ZNF609: variants seen among roughly 807,000 people sequenced by gnomAD.
ZNF609 encodes the protein zinc finger protein 609.
Under a neutral mutation model 109.5 loss-of-function variants are expected in ZNF609, and 11 were observed. The ratio of observed to expected loss-of-function variants is 0.10; its 90% CI spans 0.06 to 0.17. ZNF609 has a LOEUF of 0.17. ZNF609 is among the 10% of genes least tolerant of loss of function. The pLI, the probability that ZNF609 is intolerant of heterozygous loss-of-function variation, is 1.00. For missense variants in ZNF609, 1,559 were observed against 1,772.4 expected, an observed-to-expected ratio of 0.88 and a Z score of 2.16; for synonymous variants, 646 against 662.0, an observed-to-expected ratio of 0.98 and a Z score of 0.37.
Position 64,677,196 on chromosome 15 carries a change from C to T in ZNF609, c.3403-920C>T, listed in dbSNP as rs115106342. 9.0e-3 allele frequency among the ~76,000 whole-genome samples: 1,373 copies of T among 152,040 alleles called. 18 individuals are homozygous for T. The highest frequency in any genetic ancestry group is 0.031 in the African/African-American group (1,296 of 41,456). On this transcript the variant is annotated intron_variant, in intron 5 of 9. Transcript: ENST00000326648. The stretch of plus-strand genomic sequence containing the variant: ...CTCCTGCCTCAGCCTCCCAATTAAC[C>T]AGGACTACAGATGCATGCCACCACA...
chr15:64,481,198 AATC>A (rs1893246700), intron 1 of ZNF609, among the ~76,000 whole-genome samples: 1 of 152,208 alleles, frequency 6.6e-6, no homozygotes, highest in African/African-American at 2.4e-5. Flanking sequence ...AAGACTTAAA[AATC>A]ATCATATTTG....
At chr15:64,599,277 A>T (rs1180875166) in intron 2 of ZNF609, among the ~76,000 whole-genome samples, 1 of 150,654 alleles carries the variant, frequency 6.6e-6, no homozygotes, top group African/African-American at 2.4e-5. Context: ...CCTCCCTCCA[A>T]ACCAAAACCA....
intron 2 of ZNF609, among the ~76,000 whole-genome samples, chr15:64,610,305 C>T (rs1017835912): frequency 8.6e-5 from 13 of 151,994 alleles, no homozygotes; most frequent in African/African-American, 3.1e-4. Flanking sequence ...CAGACATGGG[C>T]CTACTCAAAC....
At chr15:64,613,103 T>C (rs1895743515) in intron 2 of ZNF609, among the ~76,000 whole-genome samples, 1 of 152,120 alleles carries the variant, frequency 6.6e-6, no homozygotes, top group South Asian at 2.1e-4. Flanking sequence ...GGTGGATTGC[T>C]TGAGCCCAGG....
intron 3 of ZNF609, among the ~76,000 whole-genome samples, chr15:64,654,679 G>A (rs1205702746): frequency 1.3e-5 from 2 of 152,138 alleles, no homozygotes; most frequent in Non-Finnish European, 2.9e-5. Context: ...TCTATAATAT[G>A]TATCTCCATA....
At chr15:64,490,010 G>A (rs1893389523) in intron 1 of ZNF609, among the ~76,000 whole-genome samples, 2 of 152,200 alleles carry the variant, frequency 1.3e-5, no homozygotes, top group Non-Finnish European at 2.9e-5. Context: ...CCAGGCGGGA[G>A]TGCAGTGGCA....
chr15:64,539,436 T>A (rs532384629), intron 2 of ZNF609, among the ~76,000 whole-genome samples: 44 of 151,984 alleles, frequency 2.9e-4, no homozygotes, highest in Non-Finnish European at 5.1e-4. Context: ...CTCGATCTCC[T>A]GACCGCGTGA....
At chr15:64,635,859 G>GCT (rs950953344) in intron 3 of ZNF609, among the ~76,000 whole-genome samples, 23 of 85,434 alleles carry the variant, frequency 2.7e-4, no homozygotes, top group East Asian at 1.3e-3. Flanking sequence ...TCTTTAACTC[G>GCT]CTCTCTCTCT....
Position 64,637,418 on chromosome 15 carries a change from T to G in ZNF609, c.973+14366T>G, listed in dbSNP as rs113199640. Among the ~76,000 whole-genome samples the G allele has an allele frequency of 9.8e-3, 1,490 of 152,340 alleles. 24 individuals are homozygous for G. Among genetic ancestry groups the G allele is most frequent in the African/African-American group, 0.034 (1,409 of 41,572 alleles). On this transcript the variant is annotated intron_variant, in intron 3 of 9. Transcript: ENST00000326648. ...CTATCTATACTTAGAAATGGAATTA[T>G]TGAATCATAAGGTATGTGTATGATC...
chr15:64,560,282 G>A (rs888963137), intron 2 of ZNF609, among the ~76,000 whole-genome samples: 4 of 151,782 alleles, frequency 2.6e-5, no homozygotes, highest in Admixed American at 1.3e-4. Flanking sequence ...TCTTGACCTC[G>A]TGATCTGCCC....
In ZNF609 at chr15:64,684,515, T is replaced by G. The variant is rs2083230113; in HGVS notation, c.*2829T>G. On this transcript the variant is annotated 3_prime_UTR_variant, in exon 10 of 10. Transcript: ENST00000326648. ...TCATTTTAAGGTATGGCAGTTCCCTTCATCCCCTTTTCCTGCCTTGTACAT... is the reference window on the plus strand; with the variant it reads ...TCATTTTAAGGTATGGCAGTTCCCTGCATCCCCTTTTCCTGCCTTGTACAT... The G allele has an allele frequency of 6.6e-6, 1 of 152,308 alleles. No individual in the cohort carries two copies. The highest frequency in any genetic ancestry group is 2.4e-5 in the African/African-American group (1 of 41,464). 9.4% of individuals were successfully genotyped at this position (152,308 alleles called of 1,614,324 possible). A position where few individuals can be genotyped will look rare whatever the true frequency, so the allele number is the denominator to read the frequency against.
At position 64,685,924 on chromosome 15, in the gene ZNF609, CTT is replaced by C. The variant is rs2083237798; in HGVS notation, c.*4240_*4241del. The stretch of plus-strand genomic sequence containing the variant: ...GCCCAACCAAACCATTGTTTGGCCG[CTT>C]TCTCTTTTCCTCTACCTTCCTCATC... On this transcript the variant is annotated 3_prime_UTR_variant, in exon 10 of 10. Coordinates refer to ENST00000326648, the MANE Select transcript of ZNF609 (RefSeq NM_015042.2). 1 of 152,168 alleles carries C rather than the reference CTT, an allele frequency of 6.6e-6. No homozygotes were observed. The highest frequency in any genetic ancestry group is 2.4e-5 in the African/African-American group (1 of 41,424). The allele number at this position is 152,168 out of a possible 1,614,324, so 9.4% of individuals were successfully genotyped here.
Position 64,577,302 on chromosome 15 carries a change from TAC to T in ZNF609, c.748-45523_748-45522del, listed in dbSNP as rs1300888324. ...ATGTATATATATACACACAAATATA[TAC>T]ATATATGTATATATATACACACAAA... On this transcript the variant is annotated intron_variant, in intron 2 of 9. Coordinates refer to ENST00000326648, the MANE Select transcript of ZNF609 (RefSeq NM_015042.2). Among the ~76,000 whole-genome samples the T allele has an allele frequency of 5.1e-4, 15 of 29,288 alleles. 7 individuals are homozygous for T. Among genetic ancestry groups the T allele is most frequent in the Non-Finnish European group, 2.5e-3 (13 of 5,252 alleles). 19.2% of individuals were successfully genotyped at this position (29,288 alleles called of 152,430 possible).
At chr15:64,517,923 G>A (rs970755020) in intron 2 of ZNF609, among the ~76,000 whole-genome samples, 1 of 151,858 alleles carries the variant, frequency 6.6e-6, no homozygotes, top group Non-Finnish European at 1.5e-5. Flanking sequence ...AGGACTACAG[G>A]TGCGTGCCAC....
At chr15:64,573,527 T>TA (rs1289963993) in intron 2 of ZNF609, among the ~76,000 whole-genome samples, 2 of 130,714 alleles carry the variant, frequency 1.5e-5, no homozygotes, top group African/African-American at 7.1e-5. Context: ...GCTAATTTAA[T>TA]TTTTTTTTTT....
Position 64,623,071 on chromosome 15 carries a change from T to C in ZNF609, c.973+19T>C. ...GAAGATGGTAAGTGTGATATGTGGC[T>C]TTCCCCTCCCTTCTCAACCTGCTTC... On this transcript the variant is annotated intron_variant, in intron 3 of 9. Transcript: ENST00000326648. 6.2e-7 allele frequency: 1 copy of C among 1,609,844 alleles called. No homozygotes were observed. The highest frequency in any genetic ancestry group is 1.1e-5 in the South Asian group (1 of 90,990).
At chr15:64,539,869 C>T (rs765798542) in intron 2 of ZNF609, among the ~76,000 whole-genome samples, 2 of 151,550 alleles carry the variant, frequency 1.3e-5, no homozygotes, top group Non-Finnish European at 2.9e-5. Context: ...ACTCCTGACC[C>T]CAGATGATCA....
In ZNF609 at chr15:64,499,291, A is replaced by G; in HGVS notation, c.-127-2A>G. ...ACAGCTTTTTAAATTTTCTTTTTCC[A>G]GCAATGATGTTGTCCACTGGGCATG... On this transcript the variant is annotated splice_acceptor_variant, in intron 1 of 9. Coordinates refer to ENST00000326648, the MANE Select transcript of ZNF609 (RefSeq NM_015042.2). LOFTEE classifies it low-confidence loss of function (5UTR_SPLICE). 1 of 1,260,436 alleles carries G rather than the reference A, an allele frequency of 7.9e-7. No individual in the cohort carries two copies. Among genetic ancestry groups the G allele is most frequent in the Non-Finnish European group, 1.1e-6 (1 of 919,618 alleles). The allele number at this position is 1,260,436 out of a possible 1,614,324, so 78.1% of individuals were successfully genotyped here.
intron 3 of ZNF609, among the ~76,000 whole-genome samples, chr15:64,663,919 A>T (rs1456684209): frequency 2.6e-5 from 4 of 152,112 alleles, no homozygotes; most frequent in Non-Finnish European, 5.9e-5. Flanking sequence ...TTGTCTCAGC[A>T]TTTCACTCCT....
Sources: gnomAD v4.1 joint callset for allele counts (sites outside exome capture counted in the v4.1 genomes callset) on GRCh38, gnomAD v4.1.1 for gene constraint, MANE v1.5 for transcripts, NCBI Gene and HGNC (gene_info 2026-07-23, HGNC 2026-07-21) for gene names.